Variants in RELCH observed in about 807,000 individuals in gnomAD.
RELCH encodes the protein RAB11-binding protein RELCH.
A neutral mutation model predicts 150.3 loss-of-function variants in RELCH; 41 were observed. That is an observed-to-expected ratio of 0.27 (90% CI 0.21 to 0.35). The LOEUF (loss-of-function observed/expected upper bound fraction) is 0.35. Ranked by LOEUF, RELCH falls within the 10% of genes least tolerant of loss-of-function variation. RELCH has a pLI of 1.00. For synonymous variants in RELCH, 478 were observed against 531.8 expected, an observed-to-expected ratio of 0.90 and a Z score of 1.39; for missense variants, 1,092 against 1,467.8, an observed-to-expected ratio of 0.74 and a Z score of 4.18.
intron 19 of RELCH, among the ~76,000 whole-genome samples, chr18:62,266,988 T>G (rs1033979392): frequency 3.3e-5 from 5 of 151,924 alleles, no homozygotes; most frequent in African/African-American, 1.2e-4. Context: ...TGTAACCAAA[T>G]TGATATAAGG....
At chr18:62,217,602 T>C (rs901223839) in intron 2 of RELCH, among the ~76,000 whole-genome samples, 1 of 151,958 alleles carries the variant, frequency 6.6e-6, no homozygotes, top group Non-Finnish European at 1.5e-5. Context: ...AATATTGAAC[T>C]AGTAATTTAT....
chr18:62,201,401 A>C (rs1443476275), intron 1 of RELCH, among the ~76,000 whole-genome samples: 1 of 152,110 alleles, frequency 6.6e-6, no homozygotes, highest in East Asian at 1.9e-4. Context: ...TTCTCATGAC[A>C]GATTTTTTTA....
chr18:62,264,507 A>G (rs939626093), intron 17 of RELCH, among the ~76,000 whole-genome samples: 1 of 152,114 alleles, frequency 6.6e-6, no homozygotes, highest in Non-Finnish European at 1.5e-5. Context: ...GAATTCTACC[A>G]TTAAGGTTTC....
chr18:62,243,120 C>G (rs1600036771), intron 10 of RELCH, among the ~76,000 whole-genome samples: 3 of 151,996 alleles, frequency 2.0e-5, no homozygotes, highest in African/African-American at 7.2e-5. Flanking sequence ...GTTCTACTCT[C>G]AATAGTATAC....
chr18:62,219,649 A>G (rs2040723695), intron 2 of RELCH, among the ~76,000 whole-genome samples: 1 of 152,066 alleles, frequency 6.6e-6, no homozygotes, highest in African/African-American at 2.4e-5. Context: ...TGTTGCACAG[A>G]AGTATTTGCA....
chr18:62,209,553 C>G (rs1223017389), intron 1 of RELCH, among the ~76,000 whole-genome samples: 4 of 151,936 alleles, frequency 2.6e-5, no homozygotes, highest in Non-Finnish European at 5.9e-5. Context: ...CAGGAAGTAT[C>G]AGTCCTCCAT....
intron 8 of RELCH, among the ~76,000 whole-genome samples, chr18:62,229,524 G>A (rs1284368280): frequency 6.6e-6 from 1 of 150,446 alleles, no homozygotes; most frequent in Non-Finnish European, 1.5e-5. Flanking sequence ...GTGTGTGTCT[G>A]TCTGTCTGTC....
intron 10 of RELCH, among the ~76,000 whole-genome samples, chr18:62,244,106 C>T (rs2042283502): frequency 6.6e-6 from 1 of 152,044 alleles, no homozygotes; most frequent in Non-Finnish European, 1.5e-5. Context: ...TCAAGTGTCT[C>T]TTAGAAATAA....
intron 5 of RELCH, among the ~76,000 whole-genome samples, chr18:62,222,458 G>A (rs2148380518): frequency 6.6e-6 from 1 of 151,924 alleles, no homozygotes; most frequent in Middle Eastern, 3.5e-3. Flanking sequence ...GAATATGTGA[G>A]AAACATTGAG....
chr18:62,264,295 G>T, intron 17 of RELCH, 150 bp downstream of exon 17: 1 of 607,248 alleles, frequency 1.6e-6, no homozygotes, highest in Non-Finnish European at 2.8e-6. Context: ...CACACCATTG[G>T]ATATGTAATT....
At chr18:62,302,260 G>A (rs897637793) in intron 28 of RELCH, among the ~76,000 whole-genome samples, 6 of 152,240 alleles carry the variant, frequency 3.9e-5, no homozygotes, top group Non-Finnish European at 8.8e-5. Flanking sequence ...TATTTAAAAT[G>A]TGAGGCACAG....
At chr18:62,241,444 A>G (rs7242968) in intron 10 of RELCH, among the ~76,000 whole-genome samples, 4,474 of 152,138 alleles carry the variant, frequency 0.029, 213 homozygotes, top group African/African-American at 0.1. Context: ...GCAAACACAT[A>G]AGTTTTATTA....
chr18:62,304,931 C>A (rs973752665), intron 28 of RELCH, among the ~76,000 whole-genome samples: 20 of 152,186 alleles, frequency 1.3e-4, no homozygotes, highest in African/African-American at 4.8e-4. Flanking sequence ...AACTTCATTG[C>A]AATTTAATTT....
chr18:62,272,944 C>T (rs1028035441), intron 20 of RELCH, among the ~76,000 whole-genome samples: 27 of 151,634 alleles, frequency 1.8e-4, no homozygotes, highest in African/African-American at 6.0e-4. Context: ...ATTGTGTGTC[C>T]TAAAACTGTT....
At chr18:62,282,127 C>G (rs896550748) in intron 24 of RELCH, among the ~76,000 whole-genome samples, 179 bp from the exon 25 acceptor site, 1 of 152,020 alleles carries the variant, frequency 6.6e-6, no homozygotes, top group Non-Finnish European at 1.5e-5. Context: ...AAGTAGGAAA[C>G]CTTCTCTGAG....
At chr18:62,293,020 T>C (rs1012363629) in intron 27 of RELCH, among the ~76,000 whole-genome samples, 2 of 152,166 alleles carry the variant, frequency 1.3e-5, no homozygotes, top group African/African-American at 2.4e-5. Flanking sequence ...CTGTTCATCT[T>C]GATAGTTTCA....
chr18:62,235,181 A>G (rs749864279), intron 10 of RELCH: 8 of 152,066 alleles, frequency 5.3e-5, no homozygotes, highest in Non-Finnish European at 7.4e-5. Context: ...TATTCTTTTC[A>G]TATGGCTATC....
At chr18:62,266,825 G>T in intron 19 of RELCH, 76 bp downstream of exon 19, 1 of 871,926 alleles carries the variant, frequency 1.1e-6, no homozygotes, top group Non-Finnish European at 1.8e-6. Flanking sequence ...CTCCATATAT[G>T]TAAATTGTAT....
chr18:62,244,993 T>C, intron 11 of RELCH, 117 bp downstream of exon 11: 1 of 678,226 alleles, frequency 1.5e-6, no homozygotes, highest in Admixed American at 2.1e-5. Context: ...AGTATCTATT[T>C]TAGCAGCGCT....
Sources: allele counts gnomAD v4.1 joint callset (sites outside exome capture counted in the v4.1 genomes callset), GRCh38; gene constraint gnomAD v4.1.1; transcripts MANE v1.5; gene names NCBI Gene and HGNC (gene_info 2026-07-23, HGNC 2026-07-21).